FUT8: variants seen among roughly 807,000 people sequenced by gnomAD.
The protein encoded by FUT8 is alpha-(1,6)-fucosyltransferase.
Under a neutral mutation model 71.3 loss-of-function variants are expected in FUT8, and 29 were observed. That is an observed-to-expected ratio of 0.41 (90% CI 0.30 to 0.55). FUT8 has a LOEUF of 0.55. Ranked by LOEUF, FUT8 falls within the 20% of genes least tolerant of loss-of-function variation. FUT8 has a pLI of 0.34. For missense variants in FUT8, 544 were observed against 702.1 expected, an observed-to-expected ratio of 0.77 and a Z score of 2.55; for synonymous variants, 254 against 239.3, an observed-to-expected ratio of 1.06 and a Z score of -0.57.
the FUT8 span, among the ~76,000 whole-genome samples, chr14:65,376,834 C>T: frequency 1.3e-5 from 2 of 152,186 alleles, no homozygotes; most frequent in South Asian, 2.1e-4. Flanking sequence ...CAGACCTGGG[C>T]TCTTCTGTCA....
intron 9 of FUT8, among the ~76,000 whole-genome samples, chr14:65,724,800 C>G (rs557090422): frequency 3.9e-4 from 59 of 152,270 alleles, no homozygotes; most frequent in Admixed American, 5.9e-4. Context: ...CTTGTGACCT[C>G]TTCTTTGTGT....
intron 7 of FUT8, among the ~76,000 whole-genome samples, chr14:65,705,064 T>G (rs374351528): frequency 3.9e-5 from 6 of 152,318 alleles, no homozygotes. Flanking sequence ...TGCACTATGT[T>G]TCATATGATT....
chr14:65,377,029 C>T, the FUT8 span, among the ~76,000 whole-genome samples: 1 of 152,182 alleles, frequency 6.6e-6, no homozygotes. Context: ...CAGTTAATCA[C>T]TTTTATGCAA....
intron 2 of FUT8, among the ~76,000 whole-genome samples, chr14:65,465,419 G>A (rs1482240235): frequency 3.9e-5 from 6 of 152,138 alleles, no homozygotes; most frequent in Admixed American, 3.9e-4. Context: ...TGATCCTCCT[G>A]CCTTAGCCTC....
intron 2 of FUT8, among the ~76,000 whole-genome samples, chr14:65,466,583 C>T (rs549036316): frequency 6.6e-6 from 1 of 152,132 alleles, no homozygotes; most frequent in Non-Finnish European, 1.5e-5. Flanking sequence ...AACCCTGTCT[C>T]TACTAAAAAT....
In FUT8 at chr14:65,574,940, G is replaced by C. The variant is rs1886673572; in HGVS notation, c.203+13174G>C. Among the ~76,000 whole-genome samples the C allele has an allele frequency of 1.3e-5, 2 of 152,090 alleles. No individual in the cohort carries two copies. The highest frequency in any genetic ancestry group is 2.9e-5 in the Non-Finnish European group (2 of 68,008). Reference sequence around the variant, plus strand: ...CTTCATTTATTTCGTTGATGTTGCAGGATTAATATTGTATACTCTTTTTGT... The same window carrying C: ...CTTCATTTATTTCGTTGATGTTGCACGATTAATATTGTATACTCTTTTTGT... On this transcript the variant is annotated intron_variant, in intron 3 of 10. Coordinates refer to ENST00000673929, the MANE Select transcript of FUT8 (RefSeq NM_001371533.1). The surrounding 1 kb of genome is among the most constrained non-coding windows in gnomAD (Gnocchi z 5.2).
intron 5 of FUT8, chr14:65,617,153 A>G (rs749255372): frequency 3.1e-6 from 5 of 1,587,858 alleles, no homozygotes; most frequent in South Asian, 2.3e-5. Flanking sequence ...TATTAGCACA[A>G]CCTACTACTG....
intron 10 of FUT8, among the ~76,000 whole-genome samples, chr14:65,739,504 G>A (rs1447206513): frequency 1.3e-5 from 2 of 152,080 alleles, no homozygotes; most frequent in Non-Finnish European, 2.9e-5. Flanking sequence ...GGGACAGGGT[G>A]CGATGTTGTT....
At chr14:65,740,704 G>T (rs772211250) in intron 10 of FUT8, among the ~76,000 whole-genome samples, 1 of 151,916 alleles carries the variant, frequency 6.6e-6, no homozygotes, top group African/African-American at 2.4e-5. Flanking sequence ...TAAACAATCA[G>T]ATCTCACGAG....
At chr14:65,389,377 T>A in the FUT8 span, among the ~76,000 whole-genome samples, 7 of 146,582 alleles carry the variant, frequency 4.8e-5, no homozygotes, top group Admixed American at 1.4e-4. Flanking sequence ...ACCCTGATAT[T>A]TTTTTTTTTT....
At chr14:65,443,039 C>T (rs1368746270) in intron 1 of FUT8, among the ~76,000 whole-genome samples, 8 of 151,932 alleles carry the variant, frequency 5.3e-5, no homozygotes, top group Admixed American at 1.3e-4. Flanking sequence ...TAGGGAAAAC[C>T]GGATAGAGGA....
chr14:65,687,310 T>C (rs1893340660), intron 7 of FUT8, among the ~76,000 whole-genome samples: 1 of 152,200 alleles, frequency 6.6e-6, no homozygotes, highest in Non-Finnish European at 1.5e-5. Context: ...TGGTGAGGTA[T>C]CATTATTTTT....
chr14:65,386,151 A>G, the FUT8 span, among the ~76,000 whole-genome samples: 2 of 93,492 alleles, frequency 2.1e-5, no homozygotes, highest in Non-Finnish European at 3.9e-5. Flanking sequence ...GACTCCATCT[A>G]AAAAAAAAAA....
At chr14:65,404,774 C>T in the FUT8 span, among the ~76,000 whole-genome samples, 7 of 152,208 alleles carry the variant, frequency 4.6e-5, no homozygotes, top group East Asian at 1.9e-4. Context: ...CACCCGGCGC[C>T]GGCCTTGCTC....
intron 3 of FUT8, among the ~76,000 whole-genome samples, chr14:65,599,049 A>G (rs1378523363): frequency 6.6e-6 from 1 of 152,146 alleles, no homozygotes; most frequent in Non-Finnish European, 1.5e-5. Context: ...TTGGCCTCCC[A>G]AAGTGCTGGG....
chr14:65,692,458 G>T lies in FUT8; in HGVS notation c.835+22978G>T, dbSNP rs1232563792. Reference sequence around the variant, plus strand: ...GGGGCGGCTGGCCGGGCGGGGGGCTGACCCCCCCACCTCCCTCCCAGACGG... The same window carrying T: ...GGGGCGGCTGGCCGGGCGGGGGGCTTACCCCCCCACCTCCCTCCCAGACGG... On this transcript the variant is annotated intron_variant, in intron 7 of 10. Coordinates refer to ENST00000673929, the MANE Select transcript of FUT8 (RefSeq NM_001371533.1). Among the ~76,000 whole-genome samples, 117 of 117,452 alleles carry T rather than the reference G, an allele frequency of 1.0e-3. 3 individuals are homozygous for T. Among genetic ancestry groups the T allele is most frequent in the African/African-American group, 3.8e-3 (111 of 29,080 alleles). 77.1% of individuals were successfully genotyped at this position (117,452 alleles called of 152,430 possible).
chr14:65,684,074 G>A (rs919678994), intron 7 of FUT8, among the ~76,000 whole-genome samples: 3 of 151,624 alleles, frequency 2.0e-5, no homozygotes, highest in Non-Finnish European at 2.9e-5. Flanking sequence ...TTTGTTATAC[G>A]TTGGTGCAGA....
At chr14:65,406,678 G>T (rs2065090028), upstream of FUT8, among the ~76,000 whole-genome samples, 1 of 152,076 alleles carries the variant, frequency 6.6e-6, no homozygotes, top group South Asian at 2.1e-4. Flanking sequence ...TGAGATTAAA[G>T]GTGCCCACTA....
At chr14:65,537,538 C>T (rs1019012766) in intron 2 of FUT8, among the ~76,000 whole-genome samples, 4 of 152,088 alleles carry the variant, frequency 2.6e-5, no homozygotes, top group Admixed American at 6.5e-5. Flanking sequence ...CAGGCACCTG[C>T]CACCACGCCC....
Sources: allele counts gnomAD v4.1 joint callset (sites outside exome capture counted in the v4.1 genomes callset), GRCh38; gene constraint gnomAD v4.1.1; non-coding constraint Gnocchi (gnomAD v3.1); transcripts MANE v1.5; gene names NCBI Gene and HGNC (gene_info 2026-07-23, HGNC 2026-07-21).